MCC: variants seen among roughly 807,000 people sequenced by gnomAD.
MCC encodes the protein colorectal mutant cancer protein.
Under a neutral mutation model 116.2 loss-of-function variants are expected in MCC, and 90 were observed. The observed-to-expected ratio is 0.77, with a 90% confidence interval of 0.65 to 0.92. The LOEUF (loss-of-function observed/expected upper bound fraction) is 0.92, where lower values mean the gene tolerates loss of function less well. MCC is among the 40% of genes least tolerant of loss of function. The pLI is 0.00. For missense variants in MCC, 1,516 were observed against 1,312.2 expected (o/e 1.16, Z -2.40); for synonymous variants, 578 against 510.5 (o/e 1.13, Z -1.78).
intron 1 of MCC, among the ~76,000 whole-genome samples, chr5:113,428,298 C>T (rs964180847): frequency 1.7e-4 from 26 of 152,138 alleles, no homozygotes; most frequent in African/African-American, 6.3e-4. Flanking sequence ...CCCCTGCCCT[C>T]ACCCTTATTC....
At chr5:113,391,863 A>C (rs930301432) in intron 1 of MCC, among the ~76,000 whole-genome samples, 1 of 152,114 alleles carries the variant, frequency 6.6e-6, no homozygotes, top group Non-Finnish European at 1.5e-5. Context: ...GTGGAGAGGG[A>C]GGTAGGGTAG....
At chr5:113,308,690 G>C (rs902606041) in intron 3 of MCC, among the ~76,000 whole-genome samples, 1 of 151,954 alleles carries the variant, frequency 6.6e-6, no homozygotes, top group African/African-American at 2.4e-5. Flanking sequence ...ATCCAGGCCT[G>C]GTCCCAGCTA....
At chr5:113,069,591 C>T (rs1161522433) in intron 12 of MCC, among the ~76,000 whole-genome samples, 2 of 152,294 alleles carry the variant, frequency 1.3e-5, no homozygotes, top group African/African-American at 2.4e-5. Flanking sequence ...TTCTTTGAGA[C>T]GGAGTCTCGC....
intron 2 of MCC, among the ~76,000 whole-genome samples, chr5:113,365,204 C>T (rs991327066): frequency 6.6e-6 from 1 of 152,158 alleles, no homozygotes; most frequent in Admixed American, 6.5e-5. Context: ...CACATATGAG[C>T]ATAGGCTGTT....
intron 3 of MCC, among the ~76,000 whole-genome samples, chr5:113,283,322 A>G (rs1249364599): frequency 6.6e-6 from 1 of 152,242 alleles, no homozygotes; most frequent in Non-Finnish European, 1.5e-5. Context: ...CTGTAACTCA[A>G]CATCAACAAA....
chr5:113,414,022 G>A (rs1191091664), intron 1 of MCC, among the ~76,000 whole-genome samples: 2 of 152,122 alleles, frequency 1.3e-5, no homozygotes, highest in Non-Finnish European at 2.9e-5. Flanking sequence ...CCTTCATTTT[G>A]TTATTTACCT....
chr5:113,079,292 AT>A (rs1282395953), intron 11 of MCC, among the ~76,000 whole-genome samples: 1 of 152,236 alleles, frequency 6.6e-6, no homozygotes, highest in African/African-American at 2.4e-5. Flanking sequence ...TCTTCACAGA[AT>A]TGGAAAAAAA....
At chr5:113,065,012 G>C (rs1163007145) in intron 13 of MCC, among the ~76,000 whole-genome samples, 3 of 152,242 alleles carry the variant, frequency 2.0e-5, no homozygotes, top group East Asian at 3.9e-4. Flanking sequence ...AAGAACAACA[G>C]CAACAGCAAT....
At chr5:113,146,509 C>T (rs947121217) in intron 4 of MCC, among the ~76,000 whole-genome samples, 1 of 151,764 alleles carries the variant, frequency 6.6e-6, no homozygotes, top group Middle Eastern at 3.2e-3. Flanking sequence ...CCTTATGATA[C>T]CAAAGAGAGC....
At chr5:113,258,972 T>A (rs1765123190) in intron 3 of MCC, among the ~76,000 whole-genome samples, 1 of 152,240 alleles carries the variant, frequency 6.6e-6, no homozygotes, top group Non-Finnish European at 1.5e-5. Flanking sequence ...ATTATGCTTT[T>A]TGCTATCCAT....
chr5:113,126,517 T>G (rs1036281525), intron 5 of MCC, among the ~76,000 whole-genome samples: 3 of 152,188 alleles, frequency 2.0e-5, no homozygotes, highest in Non-Finnish European at 2.9e-5. Context: ...ATAAATATAT[T>G]TGACAATTTT....
intron 3 of MCC, among the ~76,000 whole-genome samples, chr5:113,239,889 T>C (rs1764297187): frequency 6.6e-6 from 1 of 152,158 alleles, no homozygotes. Context: ...CATTACCTGG[T>C]TTTCTATTTC....
chr5:113,396,016 T>G (rs2150396995), intron 1 of MCC, among the ~76,000 whole-genome samples: 1 of 152,230 alleles, frequency 6.6e-6, no homozygotes, highest in Non-Finnish European at 1.5e-5. Context: ...TTCAGGACAC[T>G]CAGGAGTCTT....
intron 3 of MCC, among the ~76,000 whole-genome samples, chr5:113,243,650 C>T (rs637634): frequency 0.54 from 81,709 of 152,132 alleles, 25,762 homozygotes; most frequent in African/African-American, 0.88. Context: ...AATTCAAAGG[C>T]GCTGGCCATG....
chr5:113,465,314 A>C (rs952454681), intron 1 of MCC, among the ~76,000 whole-genome samples: 1 of 152,138 alleles, frequency 6.6e-6, no homozygotes, highest in Non-Finnish European at 1.5e-5. Flanking sequence ...AGTAGGAAAA[A>C]TGGTTAACCA....
intron 13 of MCC, among the ~76,000 whole-genome samples, chr5:113,065,315 G>T (rs1372643392): frequency 6.6e-6 from 1 of 152,084 alleles, no homozygotes; most frequent in Non-Finnish European, 1.5e-5. Context: ...GGAAATCTCT[G>T]TGCCTTCCTC....
chr5:113,182,911 A>G (rs974778012), intron 3 of MCC, among the ~76,000 whole-genome samples: 1 of 152,216 alleles, frequency 6.6e-6, no homozygotes, highest in African/African-American at 2.4e-5. Flanking sequence ...GGTCTCAGTA[A>G]TGTGCCACAG....
At chr5:113,127,915 C>A (rs1346968313) in intron 5 of MCC, among the ~76,000 whole-genome samples, 1 of 152,164 alleles carries the variant, frequency 6.6e-6, no homozygotes, top group African/African-American at 2.4e-5. Context: ...AAATCCTTGC[C>A]CTTGCCTCCA....
At chr5:113,094,831 G>A (rs981309112) in intron 8 of MCC, among the ~76,000 whole-genome samples, 2 of 152,190 alleles carry the variant, frequency 1.3e-5, no homozygotes, top group Non-Finnish European at 2.9e-5. Flanking sequence ...TGAGGCTGGG[G>A]TGAGTAAGCA....
Sources: gnomAD v4.1 joint callset for allele counts (sites outside exome capture counted in the v4.1 genomes callset) on GRCh38, gnomAD v4.1.1 for gene constraint, MANE v1.5 for transcripts, NCBI Gene and HGNC (gene_info 2026-07-23, HGNC 2026-07-21) for gene names.